CCDC82: variants seen among roughly 807,000 people sequenced by gnomAD.
CCDC82 encodes coiled-coil domain containing 82.
CCDC82 carries 47 observed loss-of-function variants against 60.6 expected under a neutral mutation model. That is an observed-to-expected ratio of 0.77 (90% CI 0.61 to 0.99). CCDC82 has a LOEUF of 0.99. Ranked by LOEUF, CCDC82 falls within the 50% of genes least tolerant of loss-of-function variation. CCDC82 has a pLI of 0.00. For synonymous variants in CCDC82, 212 were observed against 207.4 expected, an observed-to-expected ratio of 1.02 and a Z score of -0.19; for missense variants, 588 against 633.0, an observed-to-expected ratio of 0.93 and a Z score of 0.76.
intron 1 of CCDC82, chr11:96,388,254 A>C (rs558854978): frequency 1.3e-5 from 2 of 152,344 alleles, no homozygotes; most frequent in South Asian, 4.1e-4. Context: ...GATGGGTAAG[A>C]TACCTCTTGG....
Position 96,360,359 on chromosome 11 carries a change from A to AT in CCDC82, c.1381-1182dup, listed in dbSNP as rs914429876. Among the ~76,000 whole-genome samples, 332 of 140,722 alleles carry AT rather than the reference A, an allele frequency of 2.4e-3. 1 individual carries two copies. The highest frequency in any genetic ancestry group is 3.9e-3 in the African/African-American group (143 of 36,494). The allele number at this position is 140,722 out of a possible 152,430, so 92.3% of individuals were successfully genotyped here. A position where few individuals can be genotyped will look rare whatever the true frequency, so the allele number is the denominator to read the frequency against. On this transcript the variant is annotated intron_variant, in intron 8 of 9. Transcript: ENST00000646818. Reference sequence around the variant, plus strand: ...AGGTGCCTGTCACCACACGCAGCTAATTTTTTTTTTTTGTATTTTTAGTAG... The same window carrying AT: ...AGGTGCCTGTCACCACACGCAGCTAATTTTTTTTTTTTTGTATTTTTAGTAG...
In CCDC82 at chr11:96,383,419, C is replaced by T; in HGVS notation, c.841G>A (p.Glu281Lys). Residue 281 changes from glutamate (E) to lysine (K), a missense_variant, in exon 5 of 10, where the codon GAG (glutamate) becomes AAG (lysine). Transcript: ENST00000646818. The stretch of plus-strand genomic sequence containing the variant: ...TCTTCATCAGATTCATAATTATCCT[C>T]TTCTTCCTCCTCATCAACTTCATCA... Reference protein sequence around the residue: ...SSDEVDEEEEEDNYESDEDGD... With the variant: ...SSDEVDEEEEKDNYESDEDGD... 3 of 1,603,422 alleles carry T rather than the reference C, an allele frequency of 1.9e-6. No homozygotes were observed. In the South Asian group the frequency reaches 3.3e-5, roughly 18 times the overall value.
In CCDC82 at chr11:96,361,476, A is replaced by G. The variant is rs183865125; in HGVS notation, c.1381-2298T>C. ...CATATAGATCTATAAATCAAAAATT[A>G]CCTTAAAATGTTCTTGTATTTTTTC... On this transcript the variant is annotated intron_variant, in intron 8 of 9. Transcript: ENST00000646818. Among the ~76,000 whole-genome samples, 630 of 152,318 alleles carry G rather than the reference A, an allele frequency of 4.1e-3. 5 individuals are homozygous for G. Among genetic ancestry groups the G allele is most frequent in the African/African-American group, 0.014 (592 of 41,558 alleles).
chr11:96,356,371 G>T, intron 9 of CCDC82: 1 of 796,926 alleles, frequency 1.3e-6, no homozygotes, highest in African/African-American at 1.9e-5. Context: ...ATTTATCAGT[G>T]CATTTAAAAT....
At chr11:96,358,485 A>G (rs775636057) in intron 9 of CCDC82, 150 of 1,231,212 alleles carry the variant, frequency 1.2e-4, no homozygotes, top group Non-Finnish European at 1.5e-4. Context: ...ATTCCCCTCG[A>G]TCTTCAGTTA....
In CCDC82 at chr11:96,358,259, G is replaced by C. The variant is rs574046014; in HGVS notation, c.1566+734C>G. ...TCTCTCTTATACATTCATGTAACTAGACTTGTTTTAGAAGACTGCAGTCGT... is the reference window on the plus strand; with the variant it reads ...TCTCTCTTATACATTCATGTAACTACACTTGTTTTAGAAGACTGCAGTCGT... On this transcript the variant is annotated intron_variant, in intron 9 of 9. Transcript: ENST00000646818. 4.8e-5 allele frequency: 52 copies of C among 1,082,924 alleles called. No individual in the cohort carries two copies. The East Asian group carries it at 3.0e-3, about 63-fold the overall frequency. The allele number at this position is 1,082,924 out of a possible 1,614,324, so 67.1% of individuals were successfully genotyped here.
chr11:96,356,497 C>T, intron 9 of CCDC82: 1 of 985,328 alleles, frequency 1.0e-6, no homozygotes, highest in Non-Finnish European at 1.2e-6. Context: ...CATCCACCAG[C>T]CAATCCCAAC....
chr11:96,383,913 T>C (rs932337606), intron 4 of CCDC82, 49 bp downstream of exon 4: 7 of 1,514,176 alleles, frequency 4.6e-6, no homozygotes, highest in African/African-American at 1.4e-5. Flanking sequence ...TTAAATACTT[T>C]AAGAAAAAAA....
At chr11:96,388,544 ATTGC>A (rs1377215024) in intron 1 of CCDC82, 1 of 152,214 alleles carries the variant, frequency 6.6e-6, no homozygotes, top group Non-Finnish European at 1.5e-5. Context: ...AATAATCCAT[ATTGC>A]TTGTGTTCTT....
intron 7 of CCDC82, among the ~76,000 whole-genome samples, chr11:96,370,201 CAAG>C (rs1436366778): frequency 1.3e-5 from 2 of 152,160 alleles, no homozygotes; most frequent in African/African-American, 4.8e-5. Flanking sequence ...AAATGAGGTA[CAAG>C]AACTAATGAT....
chr11:96,381,658 A>G (rs1259035602), intron 5 of CCDC82: 1 of 151,796 alleles, frequency 6.6e-6, no homozygotes, highest in Non-Finnish European at 1.5e-5. Context: ...TCCATGATTT[A>G]TATTTTCATG....
chr11:96,355,845 T>C (rs1475120763), intron 9 of CCDC82: 1 of 152,202 alleles, frequency 6.6e-6, no homozygotes, highest in African/African-American at 2.4e-5. Context: ...CTTATTTTAA[T>C]AGTGAAGACT....
In CCDC82 at chr11:96,357,730, C is replaced by T. The variant is rs543594807; in HGVS notation, c.1566+1263G>A. 6 of 985,304 alleles carry T rather than the reference C, an allele frequency of 6.1e-6. No individual in the cohort carries two copies. The Admixed American group carries it at 3.7e-4, about 61-fold the overall frequency. The allele number at this position is 985,304 out of a possible 1,614,324, so 61.0% of individuals were successfully genotyped here. On this transcript the variant is annotated intron_variant, in intron 9 of 9. Coordinates refer to ENST00000646818, the MANE Select transcript of CCDC82 (RefSeq NM_024725.4). Reference sequence around the variant, plus strand: ...CAGTTCCACTAGAGGGTTGGCAACACTTAAAGGCATCAATAAAAGCACTTA... The same window carrying T: ...CAGTTCCACTAGAGGGTTGGCAACATTTAAAGGCATCAATAAAAGCACTTA...
At chr11:96,385,860 A>C (rs1866162073) in intron 3 of CCDC82, 1 of 152,126 alleles carries the variant, frequency 6.6e-6, no homozygotes, top group African/African-American at 2.4e-5. Context: ...GAAATATGAC[A>C]ATGTAATGAG....
At chr11:96,356,933 T>G in intron 9 of CCDC82, 5 of 985,322 alleles carry the variant, frequency 5.1e-6, no homozygotes, top group Non-Finnish European at 6.0e-6. Flanking sequence ...GAACAAATAG[T>G]ACGTGTAAGG....
At chr11:96,374,146 T>C (rs1317233078) in intron 5 of CCDC82, among the ~76,000 whole-genome samples, 5 of 152,158 alleles carry the variant, frequency 3.3e-5, no homozygotes, top group African/African-American at 9.7e-5. Flanking sequence ...GTGGAAATGT[T>C]CTCTATCAAC....
chr11:96,374,635 G>A (rs1865472122), intron 5 of CCDC82, among the ~76,000 whole-genome samples: 1 of 152,086 alleles, frequency 6.6e-6, no homozygotes, highest in Admixed American at 6.5e-5. Flanking sequence ...ATTGAAAAAT[G>A]AAATAATACT....
At chr11:96,377,918 A>C (rs895555267) in intron 5 of CCDC82, among the ~76,000 whole-genome samples, 3 of 152,086 alleles carry the variant, frequency 2.0e-5, no homozygotes, top group African/African-American at 7.2e-5. Flanking sequence ...CCTTGAATTC[A>C]TATCTTATGT....
chr11:96,385,004 GA>G, intron 3 of CCDC82: 1 of 313,398 alleles, frequency 3.2e-6, no homozygotes, highest in Non-Finnish European at 5.8e-6. Flanking sequence ...GGGATACATA[GA>G]AAAATCATGG....
Sources: gnomAD v4.1 joint callset for allele counts (sites outside exome capture counted in the v4.1 genomes callset) on GRCh38, gnomAD v4.1.1 for gene constraint, MANE v1.5 for transcripts, NCBI Gene and HGNC (gene_info 2026-07-23, HGNC 2026-07-21) for gene names.